Variants in CTIF observed in about 807,000 individuals in gnomAD.
CTIF encodes CBP80/20-dependent translation initiation factor.
In CTIF, 21 loss-of-function variants were observed where a neutral mutation model predicts 66.0. The observed-to-expected ratio is 0.32, with a 90% confidence interval of 0.23 to 0.46. The LOEUF (loss-of-function observed/expected upper bound fraction) is 0.46, where lower values mean the gene tolerates loss of function less well. CTIF is among the 20% of genes least tolerant of loss of function. CTIF has a pLI of 1.00. For synonymous variants in CTIF, 345 were observed against 326.4 expected (o/e 1.06, Z -0.62); for missense variants, 739 against 812.7 (o/e 0.91, Z 1.10).
rs1205822498 is a variant in CTIF, at chr18:48,619,550, C to A, written c.-16C>A. On this transcript the variant is annotated 5_prime_UTR_variant, in exon 2 of 12. Transcript: ENST00000256413. The stretch of plus-strand genomic sequence containing the variant: ...TCTTTCCCACCAGTCCCGGCCCAGG[C>A]CCCTGAGCTGGAGGGATGGAAAACT... 2.0e-6 allele frequency: 3 copies of A among 1,504,390 alleles called. No homozygotes were observed. The highest frequency in any genetic ancestry group is 2.7e-6 in the Non-Finnish European group (3 of 1,125,436). The allele number at this position is 1,504,390 out of a possible 1,614,324, so 93.2% of individuals were successfully genotyped here.
intron 3 of CTIF, chr18:48,662,577 C>A (rs2091364473): frequency 6.6e-6 from 1 of 151,372 alleles, no homozygotes; most frequent in African/African-American, 2.4e-5. Flanking sequence ...GAGTGCCTGG[C>A]CCCTTCTGCT....
intron 9 of CTIF, among the ~76,000 whole-genome samples, chr18:48,802,787 G>T (rs2068073259): frequency 6.6e-6 from 1 of 152,228 alleles, no homozygotes; most frequent in Non-Finnish European, 1.5e-5. Context: ...CACGCCCCTT[G>T]ACCTGACAAG....
intron 9 of CTIF, among the ~76,000 whole-genome samples, chr18:48,801,010 C>A (rs1023402178): frequency 6.6e-6 from 1 of 152,238 alleles, no homozygotes; most frequent in Non-Finnish European, 1.5e-5. Flanking sequence ...ACAGGTGGCC[C>A]AAGCCTCCTT....
At chr18:48,760,608 T>G (rs1372404653) in intron 8 of CTIF, 1 of 152,236 alleles carries the variant, frequency 6.6e-6, no homozygotes, top group African/African-American at 2.4e-5. Flanking sequence ...TCTCACTTCC[T>G]TGCAGTTAAG....
intron 7 of CTIF, among the ~76,000 whole-genome samples, chr18:48,752,823 G>C (rs1191409672): frequency 6.6e-6 from 1 of 152,226 alleles, no homozygotes; most frequent in Non-Finnish European, 1.5e-5. Context: ...AGGTCACTGT[G>C]ATCCTTGTCT....
rs867485738 is a variant in CTIF, at chr18:48,582,607, C to T, written c.-28-36931C>T. Among the ~76,000 whole-genome samples, 17 of 152,224 alleles carry T rather than the reference C, an allele frequency of 1.1e-4. No individual in the cohort carries two copies. The South Asian group carries it at 2.5e-3, about 22-fold the overall frequency. ...GTGCTGTGGTGCCTGGGCCCAGAGA[C>T]GGCTGTGACCTTCCTGGCTTCCCTG... On this transcript the variant is annotated intron_variant, in intron 1 of 11. Coordinates refer to ENST00000256413, the MANE Select transcript of CTIF (RefSeq NM_014772.3).
At chr18:48,699,162 G>T (rs1293265070) in intron 6 of CTIF, among the ~76,000 whole-genome samples, 1 of 152,182 alleles carries the variant, frequency 6.6e-6, no homozygotes, top group African/African-American at 2.4e-5. Flanking sequence ...GGCCCCAGCA[G>T]GCTAGTCAGA....
In CTIF at chr18:48,670,727, G is replaced by T. The variant is rs780490742; in HGVS notation, c.490G>T (p.Val164Phe). Reference sequence around the variant, plus strand: ...CATCAACCTGAATGACATCGAGAAGGTCCTTCCAGCCTGGCAGGTAGGTGC... The same window carrying T: ...CATCAACCTGAATGACATCGAGAAGTTCCTTCCAGCCTGGCAGGTAGGTGC... ...DGINLNDIEK[V>F]LPAWQGYHPM... Residue 164 changes from valine to phenylalanine, a missense_variant, in exon 6 of 12, where the codon GTC becomes TTC. Physicochemically the swap from Val to Phe is conservative, Grantham distance 50. Around this residue, in one of 2 missense-constraint regions of CTIF, gnomAD observed 529 missense variants for 520.3 expected, o/e 1.02. Transcript: ENST00000256413. 2.5e-6 allele frequency: 4 copies of T among 1,614,034 alleles called. No individual in the cohort carries two copies. In the Admixed American group the frequency reaches 5.0e-5, roughly 20 times the overall value.
chr18:48,754,915 C>A (rs188980042), intron 7 of CTIF, among the ~76,000 whole-genome samples: 2 of 152,354 alleles, frequency 1.3e-5, no homozygotes, highest in East Asian at 3.9e-4. Context: ...CTTTCTGGAG[C>A]CCCTGACCAC....
chr18:48,577,684 T>C (rs550212687), intron 1 of CTIF, among the ~76,000 whole-genome samples: 1 of 152,300 alleles, frequency 6.6e-6, no homozygotes, highest in African/African-American at 2.4e-5. Flanking sequence ...GCAATCCTCT[T>C]GCCTCAGCCT....
chr18:48,762,945 G>A (rs1909154250), intron 9 of CTIF, among the ~76,000 whole-genome samples: 1 of 152,230 alleles, frequency 6.6e-6, no homozygotes, highest in South Asian at 2.1e-4. Flanking sequence ...TCCCTGGCCA[G>A]CCTGGGCTGC....
At chr18:48,829,372 G>GGTT (rs1193954081) in intron 10 of CTIF, among the ~76,000 whole-genome samples, 10 of 152,246 alleles carry the variant, frequency 6.6e-5, no homozygotes, top group African/African-American at 2.2e-4. Flanking sequence ...TGGGAGGACT[G>GGTT]GTTGGGAGGG....
chr18:48,741,754 CA>C (rs1447258353), intron 7 of CTIF, among the ~76,000 whole-genome samples: 1 of 152,100 alleles, frequency 6.6e-6, no homozygotes, highest in Admixed American at 6.5e-5. Context: ...AGGCCTGGCT[CA>C]GTTTCCCACC....
intron 1 of CTIF, among the ~76,000 whole-genome samples, chr18:48,594,330 C>T (rs1194304326): frequency 6.7e-6 from 1 of 149,026 alleles, no homozygotes; most frequent in Non-Finnish European, 1.5e-5. Flanking sequence ...CCCACCCCCA[C>T]CCCACCCCGC....
At chr18:48,730,816 AGTGTGAGGGGCTTCCGTG>A (rs1209667449) in intron 7 of CTIF, among the ~76,000 whole-genome samples, 1 of 120,414 alleles carries the variant, frequency 8.3e-6, no homozygotes, top group Non-Finnish European at 1.8e-5. Flanking sequence ...GGCCTCTGGC[AGTGTGAGGGGCTTCCGTG>A]GTGTGAGGGA....
At chr18:48,666,542 G>A (rs541386693) in intron 5 of CTIF, among the ~76,000 whole-genome samples, 1 of 152,344 alleles carries the variant, frequency 6.6e-6, no homozygotes, top group African/African-American at 2.4e-5. Context: ...ATGTGTGCAT[G>A]CACACGTGTG....
intron 6 of CTIF, among the ~76,000 whole-genome samples, chr18:48,685,030 ATTTTTTT>A (rs35327726): frequency 2.2e-5 from 3 of 133,626 alleles, no homozygotes; most frequent in Non-Finnish European, 3.2e-5. Context: ...GTTTGTTTGT[ATTTTTTT>A]TTTTTTTTTG....
intron 1 of CTIF, among the ~76,000 whole-genome samples, chr18:48,555,866 AG>A (rs753591352): frequency 6.6e-6 from 1 of 152,162 alleles, no homozygotes; most frequent in Non-Finnish European, 1.5e-5. Context: ...CATGGGGAAT[AG>A]GGGGCAAAGG....
At chr18:48,618,020 C>G (rs181573584) in intron 1 of CTIF, among the ~76,000 whole-genome samples, 2 of 152,182 alleles carry the variant, frequency 1.3e-5, no homozygotes. Context: ...GTTCTCCTTC[C>G]CCCGGGCAGT....
Sources: allele counts gnomAD v4.1 joint callset (sites outside exome capture counted in the v4.1 genomes callset), GRCh38; gene constraint gnomAD v4.1.1; regional missense constraint gnomAD v4.1.1; transcripts MANE v1.5; gene names NCBI Gene and HGNC (gene_info 2026-07-23, HGNC 2026-07-21).